Variants in UGT1A8 observed in about 807,000 individuals in gnomAD.
The protein encoded by UGT1A8 is UDP glucuronosyltransferase family 1 member A8.
A neutral mutation model predicts 45.3 loss-of-function variants in UGT1A8; 39 were observed. The ratio of observed to expected loss-of-function variants is 0.86; its 90% CI spans 0.67 to 1.12. UGT1A8 has a LOEUF of 1.12. UGT1A8 is among the 50% of genes most tolerant of loss of function. The pLI, the probability that UGT1A8 is intolerant of heterozygous loss-of-function variation, is 0.00. For missense variants in UGT1A8, 719 were observed against 664.9 expected (o/e 1.08, Z -0.90); for synonymous variants, 275 against 249.2 (o/e 1.10, Z -0.97).
chr2:233,637,248 T>C (rs750470380), intron 1 of UGT1A8: 145 of 1,613,988 alleles, frequency 9.0e-5, no homozygotes, highest in Non-Finnish European at 1.2e-4. Context: ...TCACGGCATA[T>C]GATCTCTACA....
At position 233,773,229 on chromosome 2, in the gene UGT1A8, G is replaced by T. The variant is rs71539604; in HGVS notation, c.*670G>T. On this transcript the variant is annotated 3_prime_UTR_variant, in exon 5 of 5. Transcript: ENST00000373450. ...AAAACCCAAAATACAGCTATGAAGT[G>T]CTGGGCAAGTTTACTTTTTTTCTGA... 2 of 152,312 alleles carry T rather than the reference G, an allele frequency of 1.3e-5. No individual in the cohort carries two copies. The highest frequency in any genetic ancestry group is 2.9e-5 in the Non-Finnish European group (2 of 68,032). The allele number at this position is 152,312 out of a possible 1,614,324, so 9.4% of individuals were successfully genotyped here.
At position 233,752,043 on chromosome 2, in the gene UGT1A8, T is replaced by C. The variant is rs1333661781; in HGVS notation, c.856-14991T>C. Among the ~76,000 whole-genome samples the C allele has an allele frequency of 2.0e-5, 3 of 152,216 alleles. No homozygotes were observed. The South Asian group carries it at 6.2e-4, about 32-fold the overall frequency. ...AGAAATTCCTAGAAAGGTAAGCTGT[T>C]GTGTGAATGATTTCCCGAGATGGGG... On this transcript the variant is annotated intron_variant, in intron 1 of 4. Coordinates refer to ENST00000373450, the MANE Select transcript of UGT1A8 (RefSeq NM_019076.5).
chr2:233,754,495 A>T, intron 1 of UGT1A8: 1 of 357,368 alleles, frequency 2.8e-6, no homozygotes, highest in Non-Finnish European at 5.5e-6. Context: ...TCCTAAAAAA[A>T]GTCCGCTATT....
chr2:233,754,611 T>A (rs562553027), intron 1 of UGT1A8: 1 of 437,308 alleles, frequency 2.3e-6, no homozygotes, highest in East Asian at 7.0e-5. Flanking sequence ...CAACTCTCCA[T>A]CTTCCTCCAC....
In UGT1A8 at chr2:233,710,482, T is replaced by C. The variant is rs369445777; in HGVS notation, c.856-56552T>C. ...CTAATGGGTGTGTAGTAGAATTTCA[T>C]TGGGTTTGAATTTGCATTCCTCTTA... On this transcript the variant is annotated intron_variant, in intron 1 of 4. Coordinates refer to ENST00000373450, the MANE Select transcript of UGT1A8 (RefSeq NM_019076.5). 7.9e-5 allele frequency among the ~76,000 whole-genome samples: 12 copies of C among 152,376 alleles called. No homozygotes were observed. In the South Asian group the frequency reaches 2.5e-3, roughly 32 times the overall value.
intron 1 of UGT1A8, chr2:233,721,910 T>G: frequency 2.3e-6 from 1 of 439,350 alleles, no homozygotes; most frequent in Admixed American, 2.5e-5. Context: ...TGGTGCACAC[T>G]GCTTCCATAA....
chr2:233,743,636 C>A (rs764566878), intron 1 of UGT1A8: 1 of 1,367,194 alleles, frequency 7.3e-7, no homozygotes. Context: ...GGCTGGGTCG[C>A]GGAAGCTGAA....
intron 1 of UGT1A8, among the ~76,000 whole-genome samples, chr2:233,683,754 T>C (rs955465237): frequency 2.6e-5 from 4 of 152,212 alleles, no homozygotes; most frequent in African/African-American, 9.6e-5. Context: ...GAATTCACTA[T>C]GCATAATTAA....
At chr2:233,651,318 C>T (rs370088964) in intron 1 of UGT1A8, among the ~76,000 whole-genome samples, 1 of 151,944 alleles carries the variant, frequency 6.6e-6, no homozygotes, top group African/African-American at 2.4e-5. Flanking sequence ...TTCCGAGATA[C>T]GGAAAGCTAT....
chr2:233,721,250 A>G (rs1349740606), intron 1 of UGT1A8, among the ~76,000 whole-genome samples: 1 of 152,166 alleles, frequency 6.6e-6, no homozygotes, highest in East Asian at 1.9e-4. Context: ...TAAAAAATAT[A>G]TATGTTCTTT....
chr2:233,686,326 G>A (rs2074783596), intron 1 of UGT1A8, among the ~76,000 whole-genome samples: 1 of 151,896 alleles, frequency 6.6e-6, no homozygotes, highest in Non-Finnish European at 1.5e-5. Flanking sequence ...TTATCAAAAT[G>A]TTTTTATACA....
chr2:233,723,213 C>CTT (rs201420005), intron 1 of UGT1A8, among the ~76,000 whole-genome samples: 4 of 88,884 alleles, frequency 4.5e-5, no homozygotes, highest in Non-Finnish European at 6.4e-5. Context: ...TCAAAACTGA[C>CTT]TTTTTTTTTT....
In UGT1A8 at chr2:233,618,686, A is replaced by G. The variant is rs945772746; in HGVS notation, c.855+124A>G. 7.3e-6 allele frequency: 11 copies of G among 1,501,542 alleles called. No homozygotes were observed. The Admixed American group carries it at 2.3e-4, about 31-fold the overall frequency. 93.0% of individuals were successfully genotyped at this position (1,501,542 alleles called of 1,614,324 possible). A position where few individuals can be genotyped will look rare whatever the true frequency, so the allele number is the denominator to read the frequency against. On this transcript the variant is annotated intron_variant, in intron 1 of 4. Transcript: ENST00000373450. ...ATTTCAAATTTCTTTCCAGTTTAAC[A>G]GATTATTTTGTGCCAATTTATGTAC...
chr2:233,655,113 A>G (rs2073828724), intron 1 of UGT1A8, among the ~76,000 whole-genome samples: 1 of 151,946 alleles, frequency 6.6e-6, no homozygotes, highest in Non-Finnish European at 1.5e-5. Flanking sequence ...AAGAAAGAAA[A>G]AGTAAACAGA....
At chr2:233,689,319 T>G (rs986837982) in intron 1 of UGT1A8, among the ~76,000 whole-genome samples, 1 of 152,210 alleles carries the variant, frequency 6.6e-6, no homozygotes, top group Non-Finnish European at 1.5e-5. Flanking sequence ...ACCAAACATC[T>G]ACACTGAGAT....
chr2:233,668,086 A>C (rs894705785), intron 1 of UGT1A8, among the ~76,000 whole-genome samples: 1 of 151,886 alleles, frequency 6.6e-6, no homozygotes, highest in Non-Finnish European at 1.5e-5. Flanking sequence ...TTTAAGTTCT[A>C]GGGTACATGT....
At chr2:233,711,626 G>A (rs1104892) in intron 1 of UGT1A8, among the ~76,000 whole-genome samples, 87,037 of 152,060 alleles carry the variant, frequency 0.57, 26,823 homozygotes, top group African/African-American at 0.81. Context: ...AGCTCCATTC[G>A]CTGCCTGTCC....
intron 4 of UGT1A8, 143 bp downstream of exon 4, chr2:233,768,582 CTTTTTTTTTTTT>C (rs139595073): frequency 1.3e-5 from 13 of 1,033,070 alleles, no homozygotes; most frequent in Admixed American, 4.7e-5. Context: ...TTTATTTCTT[CTTTTTTTTTTTT>C]TTTTTTTTTT....
At chr2:233,653,199 A>G (rs1461453035) in intron 1 of UGT1A8, among the ~76,000 whole-genome samples, 3 of 152,202 alleles carry the variant, frequency 2.0e-5, no homozygotes, top group Admixed American at 6.5e-5. Flanking sequence ...AAAATTATTT[A>G]TTTGAAAGAT....
Sources: gnomAD v4.1 joint callset for allele counts (sites outside exome capture counted in the v4.1 genomes callset) on GRCh38, gnomAD v4.1.1 for gene constraint, MANE v1.5 for transcripts, NCBI Gene and HGNC (gene_info 2026-07-23, HGNC 2026-07-21) for gene names.